Variants in RPH3A observed in about 807,000 individuals in gnomAD.
RPH3A encodes rabphilin 3A.
RPH3A carries 48 observed loss-of-function variants against 102.2 expected under a neutral mutation model. The ratio of observed to expected loss-of-function variants is 0.47; its 90% CI spans 0.37 to 0.60. The LOEUF (loss-of-function observed/expected upper bound fraction) is 0.60, where lower values mean the gene tolerates loss of function less well. Among genes scored for constraint, RPH3A ranks in the 20% least tolerant of loss-of-function variants. The pLI, the probability that RPH3A is intolerant of heterozygous loss-of-function variation, is 0.00. For missense variants in RPH3A, 781 were observed against 910.1 expected, an observed-to-expected ratio of 0.86 and a Z score of 1.83; for synonymous variants, 310 against 324.3, an observed-to-expected ratio of 0.96 and a Z score of 0.47.
intron 1 of RPH3A, among the ~76,000 whole-genome samples, chr12:112,653,954 T>C (rs2039993728): frequency 6.6e-6 from 1 of 152,230 alleles, no homozygotes; most frequent in African/African-American, 2.4e-5. Context: ...AGCCTAGGCC[T>C]ACACACACAG....
In RPH3A at chr12:112,869,475, C is replaced by A. The variant is rs532822811; in HGVS notation, c.611-284C>A. Reference sequence around the variant, plus strand: ...TCCCTGAGGAGTCCCCAGTTTTCACCACTAAAATACTCCTTCTTCCTAGTT... The same window carrying A: ...TCCCTGAGGAGTCCCCAGTTTTCACAACTAAAATACTCCTTCTTCCTAGTT... On this transcript the variant is annotated intron_variant, in intron 8 of 21. Coordinates refer to ENST00000389385, the MANE Select transcript of RPH3A (RefSeq NM_001143854.2). The A allele has an allele frequency of 9.6e-4, 362 of 378,774 alleles. 1 individual carries two copies. Among genetic ancestry groups the A allele is most frequent in the African/African-American group, 7.1e-3 (341 of 47,876 alleles). The allele number at this position is 378,774 out of a possible 1,614,324, so 23.5% of individuals were successfully genotyped here.
At chr12:112,830,794 GT>G (rs370504452) in intron 3 of RPH3A, among the ~76,000 whole-genome samples, 24 of 148,136 alleles carry the variant, frequency 1.6e-4, no homozygotes, top group Admixed American at 3.4e-4. Context: ...GCTTTCTTTA[GT>G]TTTTTTTTTA....
At position 112,866,760 on chromosome 12, in the gene RPH3A, G is replaced by T; in HGVS notation, c.364G>T (p.Val122Phe). 1 of 1,608,772 alleles carries T rather than the reference G, an allele frequency of 6.2e-7. No individual in the cohort carries two copies. The highest frequency in any genetic ancestry group is 1.1e-5 in the South Asian group (1 of 90,214). Residue 122 changes from valine to phenylalanine, a missense_variant, in exon 7 of 22, where the codon GTC (valine) becomes TTC (phenylalanine). Val to Phe is a conservative substitution (Grantham distance 50, BLOSUM62 -1). Around this residue, in one of 2 missense-constraint regions of RPH3A, gnomAD observed 730 missense variants for 810.0 expected, o/e 0.90. Coordinates refer to ENST00000389385, the MANE Select transcript of RPH3A (RefSeq NM_001143854.2). Reference protein sequence around the residue: ...CVVCEDCKKNVCTKCGVETNN... With the variant: ...CVVCEDCKKNFCTKCGVETNN... ...GTTGGCTGTGTTTCATCCACAGAAC[G>T]TCTGCACCAAGTGCGGAGTGGAGAC... is the stretch of plus-strand genomic sequence containing the variant.
At chr12:112,854,289 G>A (rs918137181) in intron 5 of RPH3A, among the ~76,000 whole-genome samples, 1 of 152,208 alleles carries the variant, frequency 6.6e-6, no homozygotes, top group South Asian at 2.1e-4. Flanking sequence ...CCCTTTTGTT[G>A]GTGGAGAAGG....
intron 1 of RPH3A, among the ~76,000 whole-genome samples, chr12:112,638,813 T>C (rs2039865594): frequency 6.6e-6 from 1 of 152,174 alleles, no homozygotes; most frequent in African/African-American, 2.4e-5. Context: ...GAATGCCCTA[T>C]ATGAGATGAG....
In RPH3A at chr12:112,702,134, C is replaced by T. The variant is rs16942173; in HGVS notation, c.-139-90009C>T. ...TTGCCATCAGATGCAGATAAGCTGGCTCAGTTTCAGTGTTATTTTGTATTT... is the reference window on the plus strand; with the variant it reads ...TTGCCATCAGATGCAGATAAGCTGGTTCAGTTTCAGTGTTATTTTGTATTT... On this transcript the variant is annotated intron_variant, in intron 1 of 21. Coordinates refer to the RPH3A transcript ENST00000543106. 6.8e-3 allele frequency among the ~76,000 whole-genome samples: 1,033 copies of T among 152,320 alleles called. 15 individuals carry two copies. The highest frequency in any genetic ancestry group is 0.023 in the African/African-American group (968 of 41,570).
chr12:112,668,823 A>G (rs2040105686), intron 1 of RPH3A, among the ~76,000 whole-genome samples: 1 of 152,182 alleles, frequency 6.6e-6, no homozygotes, highest in African/African-American at 2.4e-5. Flanking sequence ...TAAAGTTAAA[A>G]AAAAAAAGTA....
At chr12:112,621,698 A>G (rs1429851768) in intron 1 of RPH3A, among the ~76,000 whole-genome samples, 4 of 152,070 alleles carry the variant, frequency 2.6e-5, no homozygotes, top group South Asian at 2.1e-4. Context: ...AACTGGGTGG[A>G]GCCCACCACA....
intron 1 of RPH3A, among the ~76,000 whole-genome samples, chr12:112,682,661 G>A (rs962803791): frequency 1.3e-5 from 2 of 152,136 alleles, no homozygotes; most frequent in Admixed American, 6.5e-5. Context: ...GCGTCATCCA[G>A]CCAGCAGCAG....
At chr12:112,797,864 T>C (rs1437995554) in intron 2 of RPH3A, among the ~76,000 whole-genome samples, 3 of 151,944 alleles carry the variant, frequency 2.0e-5, no homozygotes. Flanking sequence ...AATTGTTTAA[T>C]TTTTTGTGAA....
intron 5 of RPH3A, among the ~76,000 whole-genome samples, chr12:112,861,139 TG>T (rs2042506066): frequency 6.6e-6 from 1 of 152,210 alleles, no homozygotes; most frequent in African/African-American, 2.4e-5. Flanking sequence ...CCACAGAGGT[TG>T]GCCCCTGAAC....
At chr12:112,581,781 A>T (rs1372297812) in intron 1 of RPH3A, among the ~76,000 whole-genome samples, 1 of 148,062 alleles carries the variant, frequency 6.8e-6, no homozygotes, top group African/African-American at 2.5e-5. Context: ...GTTGTGCTTG[A>T]ACCAAAGCTG....
intron 1 of RPH3A, among the ~76,000 whole-genome samples, chr12:112,597,697 T>G (rs2039527860): frequency 6.6e-6 from 1 of 152,234 alleles, no homozygotes; most frequent in Non-Finnish European, 1.5e-5. Flanking sequence ...CTTCCACTTG[T>G]GTCAGGAAGG....
intron 1 of RPH3A, among the ~76,000 whole-genome samples, chr12:112,781,293 G>T (rs1247287946): frequency 6.6e-6 from 1 of 152,194 alleles, no homozygotes; most frequent in Non-Finnish European, 1.5e-5. Context: ...AGCCAGACTT[G>T]TGTCCCTTGG....
intron 1 of RPH3A, among the ~76,000 whole-genome samples, chr12:112,664,711 G>A (rs2040072610): frequency 6.6e-6 from 1 of 152,128 alleles, no homozygotes; most frequent in Non-Finnish European, 1.5e-5. Flanking sequence ...TCATCCGCTG[G>A]TAACTGTAGA....
chr12:112,593,215 A>G (rs1348644167), intron 1 of RPH3A, among the ~76,000 whole-genome samples: 2 of 152,168 alleles, frequency 1.3e-5, no homozygotes, highest in African/African-American at 2.4e-5. Flanking sequence ...CAGAAAGGGG[A>G]TGCTCACCGG....
At chr12:112,613,398 A>T (rs1224275110) in intron 1 of RPH3A, among the ~76,000 whole-genome samples, 1 of 151,858 alleles carries the variant, frequency 6.6e-6, no homozygotes, top group Non-Finnish European at 1.5e-5. Flanking sequence ...GGAGATTTGG[A>T]TCCTGGCTCT....
intron 21 of RPH3A, among the ~76,000 whole-genome samples, chr12:112,896,373 A>T (rs1421864986): frequency 6.6e-6 from 1 of 152,212 alleles, no homozygotes; most frequent in Non-Finnish European, 1.5e-5. Context: ...GATAAGTTTC[A>T]GTGAGTAGAA....
intron 1 of RPH3A, among the ~76,000 whole-genome samples, chr12:112,777,099 A>AT (rs2040973860): frequency 6.6e-6 from 1 of 152,104 alleles, no homozygotes; most frequent in Non-Finnish European, 1.5e-5. Flanking sequence ...AATTAAGGCC[A>AT]TTTTTGCAAC....
Sources: allele counts gnomAD v4.1 joint callset (sites outside exome capture counted in the v4.1 genomes callset), GRCh38; gene constraint gnomAD v4.1.1; regional missense constraint gnomAD v4.1.1; transcripts MANE v1.5; gene names NCBI Gene and HGNC (gene_info 2026-07-23, HGNC 2026-07-21).